Variants in ZNF540 observed in about 807,000 individuals in gnomAD.
ZNF540 encodes zinc finger protein 540.
A neutral mutation model predicts 11.8 loss-of-function variants in ZNF540; 3 were observed. That is an observed-to-expected ratio of 0.25 (90% confidence interval 0.12 to 0.65). The LOEUF (loss-of-function observed/expected upper bound fraction) is 0.65. Ranked by LOEUF, ZNF540 falls within the 30% of genes least tolerant of loss-of-function variation. The pLI, the probability that ZNF540 is intolerant of heterozygous loss-of-function variation, is 0.83. For synonymous variants in ZNF540, 247 were observed against 259.0 expected (o/e 0.95, Z 0.45); for missense variants, 709 against 793.1 (o/e 0.89, Z 1.27).
Position 37,576,201 on chromosome 19 carries a change from C to T in ZNF540, c.-72-22175C>T, listed in dbSNP as rs531713625. On this transcript the variant is annotated intron_variant, in intron 1 of 4. Transcript: ENST00000592533. ...ACTAAAAAATCCACCAATAATGACACAGCATTTAAACTTAGCCATTTTTTC... is the reference window on the plus strand; with the variant it reads ...ACTAAAAAATCCACCAATAATGACATAGCATTTAAACTTAGCCATTTTTTC... 2.0e-4 allele frequency among the ~76,000 whole-genome samples: 31 copies of T among 152,292 alleles called. No individual in the cohort carries two copies. In the South Asian group the frequency reaches 6.2e-3, roughly 31 times the overall value.
At chr19:37,584,007 C>A (rs202081146) in intron 1 of ZNF540, 1 of 1,613,326 alleles carries the variant, frequency 6.2e-7, no homozygotes, top group African/African-American at 1.3e-5. Flanking sequence ...TCCAACATCA[C>A]ATCCCTGTAC....
intron 1 of ZNF540, among the ~76,000 whole-genome samples, chr19:37,567,975 G>T (rs1464763691): frequency 2.6e-5 from 4 of 151,904 alleles, no homozygotes; most frequent in African/African-American, 9.7e-5. Flanking sequence ...TATTACTTAA[G>T]GCCAAATGTT....
At chr19:37,584,140 T>A in intron 1 of ZNF540, 1 of 1,611,752 alleles carries the variant, frequency 6.2e-7, no homozygotes, top group Non-Finnish European at 8.5e-7. Context: ...ACAGGAATGA[T>A]TCTGAAGTGA....
At chr19:37,591,547 GTATT>G (rs1302672033), upstream of ZNF540, among the ~76,000 whole-genome samples, 1 of 152,186 alleles carries the variant, frequency 6.6e-6, no homozygotes, top group Non-Finnish European at 1.5e-5. Flanking sequence ...CATATGAACT[GTATT>G]TATTTATCTT....
At chr19:37,581,651 T>C (rs117289310) in intron 1 of ZNF540, among the ~76,000 whole-genome samples, 4 of 151,862 alleles carry the variant, frequency 2.6e-5, no homozygotes, top group Admixed American at 6.6e-5. Context: ...TAAGTAGAGA[T>C]GGGGTTTTGC....
chr19:37,577,787 T>G (rs1355954694), intron 1 of ZNF540, among the ~76,000 whole-genome samples: 2 of 152,188 alleles, frequency 1.3e-5, no homozygotes, highest in Non-Finnish European at 2.9e-5. Flanking sequence ...GATGGCTGAC[T>G]AGAAGCAGCT....
chr19:37,613,302 A>C lies in ZNF540; in HGVS notation c.*39A>C. 7.4e-7 allele frequency: 1 copy of C among 1,352,454 alleles called. No homozygotes were observed. Among genetic ancestry groups the C allele is most frequent in the South Asian group, 2.1e-5 (1 of 47,820 alleles). 83.8% of individuals were successfully genotyped at this position (1,352,454 alleles called of 1,614,324 possible). On this transcript the variant is annotated 3_prime_UTR_variant, in exon 5 of 5. Coordinates refer to ENST00000316433, the MANE Select transcript of ZNF540 (RefSeq NM_001172225.3). ...TTCCATGTCATGCTCTATTTATAGA[A>C]TATCAAAATATTTATGGCCAGAAGT...
At chr19:37,602,537 C>T (rs1661674569) in intron 4 of ZNF540, among the ~76,000 whole-genome samples, 1 of 152,112 alleles carries the variant, frequency 6.6e-6, no homozygotes, top group South Asian at 2.1e-4. Context: ...CATAAGATAT[C>T]GACTGTCTGG....
chr19:37,581,466 CTTTTTTTTT>C (rs1226046583), intron 1 of ZNF540, among the ~76,000 whole-genome samples: 1 of 138,730 alleles, frequency 7.2e-6, no homozygotes, highest in East Asian at 2.1e-4. Flanking sequence ...TTCTTTCTTT[CTTTTTTTTT>C]TTTTTTTGGA....
chr19:37,563,734 A>C (rs546268231), intron 1 of ZNF540: 28 of 144,332 alleles, frequency 1.9e-4, no homozygotes, highest in African/African-American at 6.4e-4. Context: ...ATACACGTGG[A>C]ATATATACAC....
chr19:37,603,332 G>T (rs558726911), intron 4 of ZNF540, among the ~76,000 whole-genome samples: 1 of 152,182 alleles, frequency 6.6e-6, no homozygotes, highest in East Asian at 1.9e-4. Context: ...ATTTTAAGAT[G>T]AAAATGATTC....
At chr19:37,599,178 C>G (rs901972347) in intron 2 of ZNF540, among the ~76,000 whole-genome samples, 2 of 151,086 alleles carry the variant, frequency 1.3e-5, no homozygotes, top group Non-Finnish European at 3.0e-5. Context: ...ATCGATTGAT[C>G]GATAGATAGA....
intron 1 of ZNF540, chr19:37,563,517 A>G (rs1199534130): frequency 1.3e-5 from 2 of 152,072 alleles, no homozygotes; most frequent in Non-Finnish European, 2.9e-5. Context: ...ACACACACAT[A>G]TACATATGGA....
At chr19:37,557,525 C>T (rs1195553520) in intron 1 of ZNF540, among the ~76,000 whole-genome samples, 1 of 152,200 alleles carries the variant, frequency 6.6e-6, no homozygotes. Flanking sequence ...CACAACACAT[C>T]TGTCTCCGTG....
At chr19:37,562,479 A>G (rs923446427) in intron 1 of ZNF540, 3 of 152,144 alleles carry the variant, frequency 2.0e-5, no homozygotes, top group African/African-American at 4.8e-5. Flanking sequence ...TTGTTTTTCT[A>G]TGAACAGCTT....
chr19:37,590,188 C>T (rs112039679), upstream of ZNF540, among the ~76,000 whole-genome samples: 260 of 151,906 alleles, frequency 1.7e-3, no homozygotes, highest in Non-Finnish European at 3.0e-3. Flanking sequence ...GGGTGGATCA[C>T]GAGGTCAGGA....
intron 1 of ZNF540, among the ~76,000 whole-genome samples, chr19:37,561,064 A>G (rs1035585002): frequency 7.7e-4 from 116 of 150,022 alleles, no homozygotes; most frequent in Admixed American, 1.2e-3. Flanking sequence ...AAAAAAAAAA[A>G]AAAAAAAAAA....
intron 4 of ZNF540, 61 bp from the exon 5 acceptor site, chr19:37,611,450 TAA>T: frequency 7.3e-7 from 1 of 1,367,938 alleles, no homozygotes; most frequent in Non-Finnish European, 9.9e-7. Context: ...TTTGAAAATG[TAA>T]ACTTTATGTT....
chr19:37,584,171 G>C lies in ZNF540; in HGVS notation c.-72-14205G>C. ...AGTGAAATGAGAAGAAAATGGAGGA[G>C]GTAATTGAAGGAAGCAAGTAACACA... is the stretch of plus-strand genomic sequence containing the variant. On this transcript the variant is annotated intron_variant, in intron 1 of 4. Coordinates refer to the ZNF540 transcript ENST00000592533. 4.4e-6 allele frequency: 7 copies of C among 1,600,008 alleles called. No individual in the cohort carries two copies. The South Asian group carries it at 7.8e-5, about 18-fold the overall frequency.
Sources: gnomAD v4.1 joint callset for allele counts (sites outside exome capture counted in the v4.1 genomes callset) on GRCh38, gnomAD v4.1.1 for gene constraint, MANE v1.5 for transcripts, NCBI Gene and HGNC (gene_info 2026-07-23, HGNC 2026-07-21) for gene names.